Variants in CCSER1 observed in about 807,000 individuals in gnomAD.
The protein encoded by CCSER1 is coiled-coil serine rich protein 1.
A neutral mutation model predicts 82.0 loss-of-function variants in CCSER1; 41 were observed. That is an observed-to-expected ratio of 0.50 (90% CI 0.39 to 0.65). CCSER1 has a LOEUF of 0.65. Ranked by LOEUF, CCSER1 falls within the 30% of genes least tolerant of loss-of-function variation. The pLI is 0.00. For missense variants in CCSER1, 1,119 were observed against 1,064.2 expected (o/e 1.05, Z -0.72); for synonymous variants, 414 against 383.9 (o/e 1.08, Z -0.92).
chr4:90,499,527 T>A (rs1478303141), intron 5 of CCSER1, among the ~76,000 whole-genome samples: 1 of 152,232 alleles, frequency 6.6e-6, no homozygotes, highest in African/African-American at 2.4e-5. Flanking sequence ...TTTCTGGACA[T>A]GCCTTGTGAT....
chr4:91,399,084 A>G (rs1752165786), intron 10 of CCSER1, among the ~76,000 whole-genome samples: 1 of 151,984 alleles, frequency 6.6e-6, no homozygotes, highest in Non-Finnish European at 1.5e-5. Context: ...AAAAGTGGGC[A>G]GAGAGGAACA....
intron 1 of CCSER1, among the ~76,000 whole-genome samples, chr4:90,304,322 C>G (rs1195082311): frequency 6.6e-6 from 1 of 152,216 alleles, no homozygotes; most frequent in Non-Finnish European, 1.5e-5. Context: ...GACTGTAAAT[C>G]ATGCTGCTAT....
chr4:90,829,132 G>T (rs1760833115), intron 8 of CCSER1, among the ~76,000 whole-genome samples: 1 of 152,068 alleles, frequency 6.6e-6, no homozygotes. Context: ...ATAGGGTAAA[G>T]TTAAAATTGA....
At chr4:90,229,360 C>G (rs1743948094) in intron 1 of CCSER1, among the ~76,000 whole-genome samples, 1 of 151,984 alleles carries the variant, frequency 6.6e-6, no homozygotes, top group African/African-American at 2.4e-5. Context: ...ATTTCATATC[C>G]AGCCAAACTA....
At chr4:90,235,810 G>A (rs1745680887) in intron 1 of CCSER1, among the ~76,000 whole-genome samples, 1 of 152,124 alleles carries the variant, frequency 6.6e-6, no homozygotes, top group African/African-American at 2.4e-5. Flanking sequence ...AGATGATTTT[G>A]TTAGTGGGAG....
chr4:90,590,580 CA>C (rs879394237), intron 5 of CCSER1, among the ~76,000 whole-genome samples: 313 of 136,176 alleles, frequency 2.3e-3, no homozygotes, highest in South Asian at 5.7e-3. Flanking sequence ...AACTTGGTCT[CA>C]AAAAAAAAAA....
chr4:91,358,664 G>A (rs1478345515), intron 10 of CCSER1, among the ~76,000 whole-genome samples: 1 of 152,168 alleles, frequency 6.6e-6, no homozygotes, highest in Non-Finnish European at 1.5e-5. Flanking sequence ...GATGGAGTGA[G>A]GCAAGTTCCA....
At chr4:91,501,105 G>A (rs6852821) in intron 10 of CCSER1, among the ~76,000 whole-genome samples, 82,013 of 151,480 alleles carry the variant, frequency 0.54, 22,635 homozygotes, top group East Asian at 0.65. Context: ...ATATCAAGCT[G>A]AAAATATTAT....
chr4:91,554,679 T>C (rs570467365), intron 10 of CCSER1, among the ~76,000 whole-genome samples: 2 of 151,376 alleles, frequency 1.3e-5, no homozygotes, highest in East Asian at 3.9e-4. Flanking sequence ...TGGTATTTTT[T>C]ATTAAAATGC....
At chr4:91,152,496 T>C (rs1200351682) in intron 10 of CCSER1, among the ~76,000 whole-genome samples, 1 of 152,220 alleles carries the variant, frequency 6.6e-6, no homozygotes, top group Non-Finnish European at 1.5e-5. Flanking sequence ...TATCTTTTAA[T>C]TGGAGCATTC....
intron 10 of CCSER1, among the ~76,000 whole-genome samples, chr4:91,275,307 GTTTGTT>G (rs1372564437): frequency 8.9e-6 from 1 of 112,378 alleles, no homozygotes; most frequent in Non-Finnish European, 1.9e-5. Context: ...GTTTTTTTTT[GTTTGTT>G]TTTGTTTTTT....
intron 7 of CCSER1, among the ~76,000 whole-genome samples, chr4:90,811,458 C>T (rs1161980985): frequency 6.6e-6 from 1 of 152,152 alleles, no homozygotes; most frequent in Non-Finnish European, 1.5e-5. Context: ...AGAAAAATCT[C>T]TCTGGCAAAT....
chr4:90,216,601 G>T (rs1741074802), intron 1 of CCSER1, among the ~76,000 whole-genome samples: 1 of 152,028 alleles, frequency 6.6e-6, no homozygotes, highest in Non-Finnish European at 1.5e-5. Context: ...TTTGTTTCTG[G>T]GTTCTCTAGT....
chr4:91,509,587 A>G (rs1759712949), intron 10 of CCSER1, among the ~76,000 whole-genome samples: 1 of 152,136 alleles, frequency 6.6e-6, no homozygotes, highest in Non-Finnish European at 1.5e-5. Flanking sequence ...TGTTGAATGT[A>G]GTTTAAATGT....
At chr4:90,291,713 T>TA (rs140507280) in intron 1 of CCSER1, among the ~76,000 whole-genome samples, 5 of 151,928 alleles carry the variant, frequency 3.3e-5, no homozygotes, top group Admixed American at 2.6e-4. Context: ...TAACTCCTTT[T>TA]AAAAAAACTT....
At chr4:90,162,065 G>C (rs1312657855) in intron 1 of CCSER1, among the ~76,000 whole-genome samples, 1 of 152,104 alleles carries the variant, frequency 6.6e-6, no homozygotes, top group Non-Finnish European at 1.5e-5. Context: ...ATTTTGGAAG[G>C]TGGAGTGTGG....
At chr4:90,454,859 A>G (rs1761973857) in intron 4 of CCSER1, among the ~76,000 whole-genome samples, 1 of 152,176 alleles carries the variant, frequency 6.6e-6, no homozygotes, top group Admixed American at 6.5e-5. Context: ...AATCTGCCTT[A>G]AGTTCCGTAG....
At chr4:91,499,803 G>C (rs1314900503) in intron 10 of CCSER1, among the ~76,000 whole-genome samples, 1 of 151,784 alleles carries the variant, frequency 6.6e-6, no homozygotes, top group Non-Finnish European at 1.5e-5. Context: ...TCATGGCTTG[G>C]TGGCTCATTC....
intron 10 of CCSER1, among the ~76,000 whole-genome samples, chr4:91,507,974 T>A (rs1759593299): frequency 7.0e-6 from 1 of 143,368 alleles, no homozygotes; most frequent in Non-Finnish European, 1.5e-5. Flanking sequence ...AAGCTCTTCA[T>A]CAATTTCTTA....
Sources: allele counts gnomAD v4.1 joint callset (sites outside exome capture counted in the v4.1 genomes callset), GRCh38; gene constraint gnomAD v4.1.1; transcripts MANE v1.5; gene names NCBI Gene and HGNC (gene_info 2026-07-23, HGNC 2026-07-21).